PPFIBP2: variants seen among roughly 807,000 people sequenced by gnomAD.
PPFIBP2 encodes the protein liprin-beta-2.
Under a neutral mutation model 118.3 loss-of-function variants are expected in PPFIBP2, and 118 were observed. The observed-to-expected ratio is 1.00, with a 90% CI of 0.86 to 1.16. PPFIBP2 has a LOEUF of 1.16. Among genes scored for constraint, PPFIBP2 ranks in the 50% most tolerant of loss-of-function variants. The pLI is 0.00. For synonymous variants in PPFIBP2, 414 were observed against 397.4 expected (o/e 1.04, Z -0.50); for missense variants, 1,195 against 1,073.1 (o/e 1.11, Z -1.59).
At position 7,651,684 on chromosome 11, in the gene PPFIBP2, C is replaced by T; in HGVS notation, c.2276C>T (p.Thr759Ile). The T allele has an allele frequency of 1.9e-6, 3 of 1,612,692 alleles. No individual in the cohort carries two copies. The highest frequency in any genetic ancestry group is 2.5e-6 in the Non-Finnish European group (3 of 1,178,910). Residue 759 changes from threonine to isoleucine, a missense_variant, in exon 23 of 24, where the codon ACC (threonine) becomes ATC (isoleucine). Thr to Ile is a moderately conservative substitution (Grantham distance 89, BLOSUM62 -1). Transcript: ENST00000299492. The stretch of plus-strand genomic sequence containing the variant: ...CTGGAGCCACGCTTCACTGGGGACA[C>T]CCTGGCTATGCTTCTCAACATCCCC... ...IILEPRFTGD[T>I]LAMLLNIPPQ...
At chr11:7,612,283 A>G (rs1848157996) in intron 6 of PPFIBP2, among the ~76,000 whole-genome samples, 1 of 152,204 alleles carries the variant, frequency 6.6e-6, no homozygotes, top group Non-Finnish European at 1.5e-5. Flanking sequence ...CAGCCAGGCA[A>G]CTTCTGCAGT....
At chr11:7,518,143 C>A (rs1849408276) in intron 1 of PPFIBP2, among the ~76,000 whole-genome samples, 1 of 152,220 alleles carries the variant, frequency 6.6e-6, no homozygotes. Flanking sequence ...CTTTCCTCAT[C>A]ATGATTGTTA....
chr11:7,542,239 G>T (rs1359691738), intron 1 of PPFIBP2, among the ~76,000 whole-genome samples: 3 of 152,190 alleles, frequency 2.0e-5, no homozygotes, highest in African/African-American at 7.2e-5. Context: ...TTCCTAACTG[G>T]TATGGGGATT....
In PPFIBP2 at chr11:7,592,621, C is replaced by A. The variant is rs192546552; in HGVS notation, c.280-511C>A. Among the ~76,000 whole-genome samples, 24 of 152,294 alleles carry A rather than the reference C, an allele frequency of 1.6e-4. No individual in the cohort carries two copies. In the East Asian group the frequency reaches 4.6e-3, roughly 29 times the overall value. On this transcript the variant is annotated intron_variant, in intron 3 of 23. Coordinates refer to ENST00000299492, the MANE Select transcript of PPFIBP2 (RefSeq NM_003621.5). ...TAGTTGACATCCTCCATCCTTCATG[C>A]TCACTGTGATGTTCAGGATGGGCCT...
At position 7,568,475 on chromosome 11, in the gene PPFIBP2, C is replaced by A. The variant is rs146791897; in HGVS notation, c.279+2708C>A. Among the ~76,000 whole-genome samples the A allele has an allele frequency of 2.0e-3, 309 of 152,278 alleles. 2 individuals carry two copies. Among genetic ancestry groups the A allele is most frequent in the African/African-American group, 6.7e-3 (279 of 41,542 alleles). On this transcript the variant is annotated intron_variant, in intron 3 of 23. Coordinates refer to ENST00000299492, the MANE Select transcript of PPFIBP2 (RefSeq NM_003621.5). ...TTAGTATGTTTTTGTTGTTTTTAAT[C>A]AGGAGGGAAACTCTCTGCAACCCCC...
intron 1 of PPFIBP2, among the ~76,000 whole-genome samples, chr11:7,522,810 G>C (rs1394320298): frequency 6.6e-6 from 1 of 152,176 alleles, no homozygotes; most frequent in Non-Finnish European, 1.5e-5. Flanking sequence ...AGTACTTTTA[G>C]GGTATCAGCG....
intron 2 of PPFIBP2, among the ~76,000 whole-genome samples, chr11:7,556,265 C>G (rs920877132): frequency 3.3e-5 from 5 of 152,082 alleles, no homozygotes; most frequent in Admixed American, 6.6e-5. Context: ...ACCATCCTGG[C>G]TAACACAGTG....
At chr11:7,556,613 C>T (rs1380543869) in intron 2 of PPFIBP2, among the ~76,000 whole-genome samples, 1 of 152,206 alleles carries the variant, frequency 6.6e-6, no homozygotes, top group Non-Finnish European at 1.5e-5. Context: ...CCTCTCCAGT[C>T]ATAGTTGATT....
intron 14 of PPFIBP2, among the ~76,000 whole-genome samples, chr11:7,637,865 G>T (rs1363123120): frequency 6.6e-6 from 1 of 152,146 alleles, no homozygotes; most frequent in African/African-American, 2.4e-5. Flanking sequence ...CCATCCTTGG[G>T]TTAGGTATGT....
At chr11:7,653,916 G>C, downstream of PPFIBP2, 3 of 705,870 alleles carry the variant, frequency 4.3e-6, no homozygotes, top group Non-Finnish European at 5.8e-6. Flanking sequence ...GAGCAAGGCG[G>C]GACCCCCTCC....
chr11:7,630,591 C>T (rs898237056), intron 10 of PPFIBP2, among the ~76,000 whole-genome samples: 2 of 152,316 alleles, frequency 1.3e-5, no homozygotes, highest in South Asian at 4.1e-4. Context: ...AGATTACAGG[C>T]GTGAGCCAAA....
At chr11:7,593,293 G>A in intron 4 of PPFIBP2, 69 bp downstream of exon 4, 1 of 1,558,990 alleles carries the variant, frequency 6.4e-7, no homozygotes, top group Non-Finnish European at 8.7e-7. Context: ...CTAAGTGGAA[G>A]GGAAGCCCAA....
chr11:7,633,280 G>T (rs1851019933), intron 12 of PPFIBP2, among the ~76,000 whole-genome samples: 1 of 152,186 alleles, frequency 6.6e-6, no homozygotes, highest in South Asian at 2.1e-4. Context: ...TCTGCCTCCT[G>T]CTCTTAGAGT....
chr11:7,617,611 C>G (rs1848816975), intron 6 of PPFIBP2, among the ~76,000 whole-genome samples: 1 of 152,130 alleles, frequency 6.6e-6, no homozygotes. Context: ...GATTCCCCTT[C>G]TCAGGTATGT....
chr11:7,597,510 C>T, intron 4 of PPFIBP2, 50 bp from the exon 5 acceptor site: 1 of 1,565,538 alleles, frequency 6.4e-7, no homozygotes, highest in Non-Finnish European at 8.7e-7. Context: ...GGCTTTCCTG[C>T]ACCATGTCAA....
chr11:7,597,183 G>A, intron 4 of PPFIBP2: 7 of 1,471,368 alleles, frequency 4.8e-6, no homozygotes, highest in Non-Finnish European at 4.5e-6. Flanking sequence ...TCTTCCACAC[G>A]AGGTTGCAGA....
intron 15 of PPFIBP2, chr11:7,640,958 C>G: frequency 8.8e-7 from 1 of 1,139,750 alleles, no homozygotes; most frequent in South Asian, 1.3e-5. Context: ...CTTTGCTTCC[C>G]CGTAACTCTG....
chr11:7,664,179 T>C, the PPFIBP2 span, among the ~76,000 whole-genome samples: 1 of 152,140 alleles, frequency 6.6e-6, no homozygotes, highest in Non-Finnish European at 1.5e-5. Flanking sequence ...CCCTTGCATG[T>C]TGTCATTCTT....
At chr11:7,633,904 G>C (rs1851106790) in intron 12 of PPFIBP2, among the ~76,000 whole-genome samples, 1 of 152,180 alleles carries the variant, frequency 6.6e-6, no homozygotes, top group Non-Finnish European at 1.5e-5. Flanking sequence ...GGTTACCCTT[G>C]TGACCACTGG....
Sources: allele counts gnomAD v4.1 joint callset (sites outside exome capture counted in the v4.1 genomes callset), GRCh38; gene constraint gnomAD v4.1.1; transcripts MANE v1.5; gene names NCBI Gene and HGNC (gene_info 2026-07-23, HGNC 2026-07-21).